Variants in ANO10 observed in about 807,000 individuals in gnomAD.
ANO10 encodes the protein anoctamin 10, also known as anoctamin-10.
Under a neutral mutation model 74.7 loss-of-function variants are expected in ANO10, and 77 were observed. The ratio of observed to expected loss-of-function variants is 1.03; its 90% CI spans 0.86 to 1.25. The LOEUF is 1.25. ANO10 is among the 50% of genes most tolerant of loss of function. The pLI, the probability that ANO10 is intolerant of heterozygous loss-of-function variation, is 0.00. For missense variants in ANO10, 721 were observed against 778.1 expected (o/e 0.93, Z 0.87); for synonymous variants, 279 against 284.9 (o/e 0.98, Z 0.21).
At chr3:43,489,422 T>C (rs1253976953) in intron 11 of ANO10, among the ~76,000 whole-genome samples, 1 of 152,160 alleles carries the variant, frequency 6.6e-6, no homozygotes, top group Non-Finnish European at 1.5e-5. Flanking sequence ...CTTCTGTACC[T>C]TACTGAGGGG....
chr3:43,559,859 T>C (rs2079940743), intron 9 of ANO10, among the ~76,000 whole-genome samples: 1 of 152,230 alleles, frequency 6.6e-6, no homozygotes, highest in African/African-American at 2.4e-5. Flanking sequence ...AGCTCCACAC[T>C]TGTGCCCACA....
At chr3:43,615,560 T>C (rs1043194372) in intron 1 of ANO10, among the ~76,000 whole-genome samples, 3 of 152,290 alleles carry the variant, frequency 2.0e-5, no homozygotes, top group African/African-American at 7.2e-5. Flanking sequence ...ATTTGTAAAA[T>C]AGTATAGAAG....
At chr3:43,397,360 T>C (rs1275971061) in intron 12 of ANO10, among the ~76,000 whole-genome samples, 5 of 152,198 alleles carry the variant, frequency 3.3e-5, no homozygotes, top group African/African-American at 1.2e-4. Context: ...TTCTGACAAG[T>C]ATTTCAGCTT....
At chr3:43,422,393 G>A (rs2092833382) in intron 12 of ANO10, among the ~76,000 whole-genome samples, 1 of 152,196 alleles carries the variant, frequency 6.6e-6, no homozygotes, top group African/African-American at 2.4e-5. Context: ...GGGATTACAG[G>A]TGTTAGCCAC....
chr3:43,410,970 G>A (rs888334627), intron 12 of ANO10, among the ~76,000 whole-genome samples: 3 of 151,850 alleles, frequency 2.0e-5, no homozygotes, highest in African/African-American at 7.3e-5. Context: ...GCAAGCAGAA[G>A]ATAGCACCTC....
chr3:43,481,594 T>C (rs2076270856), intron 11 of ANO10, among the ~76,000 whole-genome samples: 1 of 152,100 alleles, frequency 6.6e-6, no homozygotes, highest in Non-Finnish European at 1.5e-5. Flanking sequence ...ACAGAGACCT[T>C]AAGACTGACA....
At chr3:43,475,701 A>G (rs1246592376) in intron 11 of ANO10, among the ~76,000 whole-genome samples, 1 of 152,102 alleles carries the variant, frequency 6.6e-6, no homozygotes, top group Admixed American at 6.5e-5. Flanking sequence ...TGGGTTCAGG[A>G]CAGTCTCCTG....
chr3:43,470,944 C>T lies in ANO10; in HGVS notation c.1798-38217G>A, dbSNP rs1366045368. On this transcript the variant is annotated intron_variant, in intron 11 of 12. Transcript: ENST00000292246. ...TCTTGGCCAATATATGGTAATTCTA[C>T]GTTCTGCATAATTTTTCTATAAAAC... Among the ~76,000 whole-genome samples the T allele has an allele frequency of 3.9e-5, 6 of 152,160 alleles. No homozygotes were observed. The South Asian group carries it at 6.2e-4, about 16-fold the overall frequency.
chr3:43,688,308 T>C (rs1476048246), intron 1 of ANO10, among the ~76,000 whole-genome samples: 1 of 152,150 alleles, frequency 6.6e-6, no homozygotes, highest in Non-Finnish European at 1.5e-5. Flanking sequence ...GCTTGCACTG[T>C]GTTCCAGGCG....
intron 11 of ANO10, among the ~76,000 whole-genome samples, chr3:43,501,769 A>G (rs1199737939): frequency 1.3e-5 from 2 of 152,350 alleles, no homozygotes; most frequent in African/African-American, 2.4e-5. Flanking sequence ...GGATTGGTGG[A>G]AAGAAATGTG....
At chr3:43,588,169 G>C (rs1191604441) in intron 4 of ANO10, among the ~76,000 whole-genome samples, 1 of 152,090 alleles carries the variant, frequency 6.6e-6, no homozygotes, top group Non-Finnish European at 1.5e-5. Context: ...TCCAGAACTT[G>C]TATTGTTAAT....
At chr3:43,489,512 T>C (rs950833705) in intron 11 of ANO10, among the ~76,000 whole-genome samples, 18 of 152,062 alleles carry the variant, frequency 1.2e-4, no homozygotes, top group African/African-American at 1.7e-4. Flanking sequence ...TTTTGCAAGT[T>C]GATTTTTCAG....
chr3:43,675,238 T>C (rs186268218), intron 1 of ANO10, among the ~76,000 whole-genome samples: 3 of 152,204 alleles, frequency 2.0e-5, no homozygotes, highest in Non-Finnish European at 1.5e-5. Context: ...TCAAAGTAGA[T>C]CATGGATTTA....
intron 1 of ANO10, among the ~76,000 whole-genome samples, chr3:43,607,684 T>C (rs1385096065): frequency 6.6e-6 from 1 of 151,974 alleles, no homozygotes; most frequent in African/African-American, 2.4e-5. Flanking sequence ...AAATGAAAAA[T>C]AGTAACAAGC....
At chr3:43,461,274 C>G (rs2075366166) in intron 11 of ANO10, among the ~76,000 whole-genome samples, 1 of 152,008 alleles carries the variant, frequency 6.6e-6, no homozygotes, top group Non-Finnish European at 1.5e-5. Flanking sequence ...ACTTAGATGA[C>G]ATAAACAAAT....
intron 11 of ANO10, among the ~76,000 whole-genome samples, chr3:43,456,531 C>T (rs1006801329): frequency 6.6e-6 from 1 of 152,138 alleles, no homozygotes; most frequent in Non-Finnish European, 1.5e-5. Flanking sequence ...TGGATATCTA[C>T]GTAGCAGTCA....
At chr3:43,553,081 G>A (rs1374119460) in intron 10 of ANO10, among the ~76,000 whole-genome samples, 2 of 151,892 alleles carry the variant, frequency 1.3e-5, no homozygotes, top group Non-Finnish European at 2.9e-5. Context: ...GGCATGAGCC[G>A]CTGCACCCAG....
At chr3:43,537,459 A>T (rs1045587923) in intron 11 of ANO10, among the ~76,000 whole-genome samples, 1 of 152,128 alleles carries the variant, frequency 6.6e-6, no homozygotes, top group African/African-American at 2.4e-5. Flanking sequence ...TAGAAGCATT[A>T]CAAGCTTCCT....
chr3:43,459,318 C>G (rs1173454691), intron 11 of ANO10, among the ~76,000 whole-genome samples: 1 of 152,126 alleles, frequency 6.6e-6, no homozygotes, highest in Non-Finnish European at 1.5e-5. Context: ...CCATTTCTAC[C>G]TGATGCACTT....
Sources: gnomAD v4.1 joint callset for allele counts (sites outside exome capture counted in the v4.1 genomes callset) on GRCh38, gnomAD v4.1.1 for gene constraint, MANE v1.5 for transcripts, NCBI Gene and HGNC (gene_info 2026-07-23, HGNC 2026-07-21) for gene names.